CAMKMT: variants seen among roughly 807,000 people sequenced by gnomAD.
The protein encoded by CAMKMT is calmodulin-lysine N-methyltransferase, also known as CaM KMT.
CAMKMT carries 53 observed loss-of-function variants against 48.0 expected under a neutral mutation model. The ratio of observed to expected loss-of-function variants is 1.10; its 90% CI spans 0.89 to 1.39. CAMKMT has a LOEUF of 1.39. CAMKMT is among the 40% of genes most tolerant of loss of function. The pLI is 0.00. For synonymous variants in CAMKMT, 165 were observed against 152.3 expected (o/e 1.08, Z -0.61); for missense variants, 428 against 402.7 (o/e 1.06, Z -0.54).
In CAMKMT at chr2:44,459,102, G is replaced by A. The variant is rs1161305963; in HGVS notation, c.376+68797G>A. On this transcript the variant is annotated intron_variant, in intron 3 of 10. Coordinates refer to ENST00000378494, the MANE Select transcript of CAMKMT (RefSeq NM_024766.5). ...TACCTCTGTAGACATTTCTAAGTGG[G>A]AAAAAAAAAAAAGATTTAGGAATAG... Among the ~76,000 whole-genome samples the A allele has an allele frequency of 8.5e-4, 121 of 142,088 alleles. 1 individual carries two copies. Among genetic ancestry groups the A allele is most frequent in the Non-Finnish European group, 1.1e-3 (74 of 64,690 alleles). The allele number at this position is 142,088 out of a possible 152,430, so 93.2% of individuals were successfully genotyped here. A position where few individuals can be genotyped will look rare whatever the true frequency, so the allele number is the denominator to read the frequency against.
At chr2:44,474,814 T>C (rs989666136) in intron 3 of CAMKMT, among the ~76,000 whole-genome samples, 1 of 152,220 alleles carries the variant, frequency 6.6e-6, no homozygotes, top group African/African-American at 2.4e-5. Flanking sequence ...GGAAACCCTC[T>C]ATGCTGCAAT....
intron 3 of CAMKMT, among the ~76,000 whole-genome samples, chr2:44,500,506 A>T (rs1183436944): frequency 6.6e-6 from 1 of 152,088 alleles, no homozygotes; most frequent in Non-Finnish European, 1.5e-5. Flanking sequence ...TTGTAGGAAA[A>T]AAACAAGTTT....
At chr2:44,413,829 A>G (rs765598912) in intron 3 of CAMKMT, among the ~76,000 whole-genome samples, 17 of 152,182 alleles carry the variant, frequency 1.1e-4, no homozygotes, top group Non-Finnish European at 5.9e-5. Context: ...GAAATTTGGA[A>G]CTACCATACT....
intron 3 of CAMKMT, among the ~76,000 whole-genome samples, chr2:44,600,639 G>C (rs1670931598): frequency 6.6e-6 from 1 of 152,040 alleles, no homozygotes; most frequent in East Asian, 1.9e-4. Context: ...ACCTCAACTT[G>C]GGCAAGGTTG....
rs1161161902 is a variant in CAMKMT, at chr2:44,704,293, A to G, written c.387A>G (p.Pro129=). 8 of 1,610,874 alleles carry G rather than the reference A, an allele frequency of 5.0e-6. No individual in the cohort carries two copies. The highest frequency in any genetic ancestry group is 1.7e-5 in the Admixed American group (1 of 59,666). ...FDNTGNVCIW[P]SEEVLAYYCL... is the part of the protein sequence containing the mutation. ...TCTTGTGTTTTCTAGGCATCTGGCC[A>G]TCTGAAGAGGTTTTGGCTTACTACT... The change falls in exon 4 of 11, where the codon CCA becomes CCG. Residue 129 remains proline (P), a synonymous_variant. Transcript: ENST00000378494.
rs144584221 is a variant in CAMKMT, at chr2:44,595,595, T to C, written c.377-108688T>C. Among the ~76,000 whole-genome samples the C allele has an allele frequency of 1.7e-3, 261 of 152,342 alleles. 1 individual carries two copies. The highest frequency in any genetic ancestry group is 2.7e-3 in the Non-Finnish European group (187 of 68,026). Reference sequence around the variant, plus strand: ...CCAAAGTAATTTATAGATTCAGTGCTATCCCCATGAAGCTACCATTGACTT... The same window carrying C: ...CCAAAGTAATTTATAGATTCAGTGCCATCCCCATGAAGCTACCATTGACTT... On this transcript the variant is annotated intron_variant, in intron 3 of 10. Coordinates refer to ENST00000378494, the MANE Select transcript of CAMKMT (RefSeq NM_024766.5).
intron 3 of CAMKMT, among the ~76,000 whole-genome samples, chr2:44,402,162 A>G (rs113415435): frequency 3.9e-5 from 6 of 152,186 alleles, no homozygotes; most frequent in Middle Eastern, 3.4e-3. Context: ...CCCCGTCTCT[A>G]CTAAAGATAC....
At chr2:44,508,610 G>A (rs968061131) in intron 3 of CAMKMT, among the ~76,000 whole-genome samples, 1 of 152,176 alleles carries the variant, frequency 6.6e-6, no homozygotes, top group Non-Finnish European at 1.5e-5. Flanking sequence ...GAATACGTAT[G>A]TGTATATGTA....
intron 3 of CAMKMT, among the ~76,000 whole-genome samples, chr2:44,672,045 C>G (rs1675361256): frequency 6.6e-6 from 1 of 152,138 alleles, no homozygotes; most frequent in African/African-American, 2.4e-5. Flanking sequence ...TTGACCTGCC[C>G]CGACAGGATG....
At chr2:44,542,078 G>C (rs1333020061) in intron 3 of CAMKMT, among the ~76,000 whole-genome samples, 4 of 149,038 alleles carry the variant, frequency 2.7e-5, no homozygotes, top group Non-Finnish European at 5.9e-5. Context: ...GCGGTGAGCC[G>C]AGATCGTGCC....
chr2:44,766,313 CA>C, intron 9 of CAMKMT, 116 bp from the exon 10 acceptor site: 1 of 1,107,060 alleles, frequency 9.0e-7, no homozygotes, highest in Non-Finnish European at 1.3e-6. Context: ...ATAGACATCT[CA>C]AGAACAATTG....
intron 2 of CAMKMT, among the ~76,000 whole-genome samples, chr2:44,377,794 A>T (rs1679847682): frequency 6.6e-6 from 1 of 152,108 alleles, no homozygotes; most frequent in Admixed American, 6.6e-5. Context: ...ACTGTGTTGC[A>T]TCTTTCTATT....
chr2:44,373,656 T>G (rs1052302009), intron 2 of CAMKMT, among the ~76,000 whole-genome samples: 1 of 152,150 alleles, frequency 6.6e-6, no homozygotes, highest in African/African-American at 2.4e-5. Context: ...TAGGAATAAT[T>G]TTAAGAAAAA....
chr2:44,706,668 C>T (rs1339306946), intron 5 of CAMKMT, among the ~76,000 whole-genome samples: 1 of 150,956 alleles, frequency 6.6e-6, no homozygotes, highest in East Asian at 1.9e-4. Context: ...AGGAATAGCC[C>T]GGCGAATCAC....
chr2:44,692,229 A>G (rs1217729669), intron 3 of CAMKMT, among the ~76,000 whole-genome samples: 2 of 152,134 alleles, frequency 1.3e-5, no homozygotes, highest in Admixed American at 1.3e-4. Flanking sequence ...CAACAGTAAT[A>G]GCAGCAGCAT....
intron 7 of CAMKMT, among the ~76,000 whole-genome samples, chr2:44,729,405 G>A (rs893975863): frequency 6.6e-6 from 1 of 152,248 alleles, no homozygotes; most frequent in African/African-American, 2.4e-5. Flanking sequence ...AGCCAGAAAG[G>A]GATACTAAGA....
At chr2:44,746,116 C>G (rs1408283747) in intron 8 of CAMKMT, among the ~76,000 whole-genome samples, 1 of 152,162 alleles carries the variant, frequency 6.6e-6, no homozygotes, top group Non-Finnish European at 1.5e-5. Context: ...TCACACCATC[C>G]TTTAGTCATT....
At chr2:44,611,275 T>C (rs980430592) in intron 3 of CAMKMT, among the ~76,000 whole-genome samples, 2 of 151,916 alleles carry the variant, frequency 1.3e-5, no homozygotes, top group East Asian at 1.9e-4. Flanking sequence ...CTACTTAAAA[T>C]ACAAAAAATT....
chr2:44,402,053 G>A (rs1381828749), intron 3 of CAMKMT, among the ~76,000 whole-genome samples: 4 of 152,104 alleles, frequency 2.6e-5, no homozygotes, highest in Non-Finnish European at 5.9e-5. Context: ...TTGGCCGGGC[G>A]CGGTGGCTCA....
Sources: gnomAD v4.1 joint callset for allele counts (sites outside exome capture counted in the v4.1 genomes callset) on GRCh38, gnomAD v4.1.1 for gene constraint, MANE v1.5 for transcripts, NCBI Gene and HGNC (gene_info 2026-07-23, HGNC 2026-07-21) for gene names.